Variants in NR3C2 observed in about 807,000 individuals in gnomAD.
The protein encoded by NR3C2 is nuclear receptor subfamily 3 group C member 2, also known as mineralocorticoid receptor.
Under a neutral mutation model 86.4 loss-of-function variants are expected in NR3C2, and 15 were observed. The observed-to-expected ratio is 0.17, with a 90% CI of 0.12 to 0.27. The LOEUF is 0.27. NR3C2 is among the 10% of genes least tolerant of loss of function. The pLI is 1.00. For missense variants in NR3C2, 960 were observed against 1,195.6 expected (o/e 0.80, Z 2.91); for synonymous variants, 458 against 450.5 (o/e 1.02, Z -0.21).
rs186332087 is a variant in NR3C2 at position 148,157,360 on chromosome 4, C to G, written c.2015-2459G>C. ...ATTGAATGCTTACTAATGCCAGGCACTGTTCTAAATGCTCTATATAAATTA... is the reference window on the plus strand; with the variant it reads ...ATTGAATGCTTACTAATGCCAGGCAGTGTTCTAAATGCTCTATATAAATTA... On this transcript the variant is annotated intron_variant, in intron 4 of 8. Transcript: ENST00000358102. 1.1e-4 allele frequency among the ~76,000 whole-genome samples: 17 copies of G among 152,204 alleles called. No individual in the cohort carries two copies. In the East Asian group the frequency reaches 3.3e-3, roughly 29 times the overall value.
chr4:148,323,165 G>C (rs995419150), intron 2 of NR3C2, among the ~76,000 whole-genome samples: 10 of 147,748 alleles, frequency 6.8e-5, no homozygotes, highest in African/African-American at 2.3e-4. Flanking sequence ...GCCTCTGCTG[G>C]GGGGTGCCTC....
intron 2 of NR3C2, among the ~76,000 whole-genome samples, chr4:148,353,379 GA>G (rs1479002470): frequency 6.6e-6 from 1 of 151,900 alleles, no homozygotes; most frequent in Non-Finnish European, 1.5e-5. Flanking sequence ...ACCATCATAA[GA>G]AACCACCTAA....
chr4:148,323,323 T>G lies in NR3C2; in HGVS notation c.1758-63206A>C, dbSNP rs1181708750. 3.4e-5 allele frequency among the ~76,000 whole-genome samples: 5 copies of G among 148,324 alleles called. No individual in the cohort carries two copies. In the East Asian group the frequency reaches 6.0e-4, roughly 18 times the overall value. ...CATTTAAGTCTGCAGAGGTTACTGCTGTCTTTTTGTTTGTCTGTGCCCTGC... is the reference window on the plus strand; with the variant it reads ...CATTTAAGTCTGCAGAGGTTACTGCGGTCTTTTTGTTTGTCTGTGCCCTGC... On this transcript the variant is annotated intron_variant, in intron 2 of 8. Transcript: ENST00000358102.
chr4:148,252,779 G>GT (rs1315815241), intron 3 of NR3C2, among the ~76,000 whole-genome samples: 1 of 152,098 alleles, frequency 6.6e-6, no homozygotes, highest in Non-Finnish European at 1.5e-5. Context: ...TCTTGGCTCA[G>GT]TTTTTCCCTC....
chr4:148,134,885 G>A (rs1352039796), intron 6 of NR3C2, among the ~76,000 whole-genome samples: 1 of 151,228 alleles, frequency 6.6e-6, no homozygotes, highest in African/African-American at 2.4e-5. Flanking sequence ...TCGAACTCCT[G>A]ACCTCAGGTG....
At position 148,322,509 on chromosome 4, in the gene NR3C2, G is replaced by A. The variant is rs983620171; in HGVS notation, c.1758-62392C>T. Among the ~76,000 whole-genome samples, 28 of 93,856 alleles carry A rather than the reference G, an allele frequency of 3.0e-4. 3 individuals are homozygous for A. The highest frequency in any genetic ancestry group is 1.4e-3 in the African/African-American group (26 of 18,074). The allele number at this position is 93,856 out of a possible 152,430, so 61.6% of individuals were successfully genotyped here. On this transcript the variant is annotated intron_variant, in intron 2 of 8. Coordinates refer to ENST00000358102, the MANE Select transcript of NR3C2 (RefSeq NM_000901.5). ...GGTTCCATTCTCCCCATCACTTTCA[G>A]GTACACCAATCAGACGTAGATTTGG...
intron 6 of NR3C2, among the ~76,000 whole-genome samples, chr4:148,136,201 T>C (rs1360345236): frequency 6.6e-6 from 1 of 150,720 alleles, no homozygotes; most frequent in Non-Finnish European, 1.5e-5. Flanking sequence ...GGCAAGACAA[T>C]GGGATGTAGC....
intron 2 of NR3C2, among the ~76,000 whole-genome samples, chr4:148,409,531 TCTG>T (rs1748591271): frequency 1.3e-5 from 2 of 152,196 alleles, no homozygotes; most frequent in Admixed American, 1.3e-4. Flanking sequence ...CTTCACCTTT[TCTG>T]ATGGACCTTT....
At chr4:148,253,118 C>T (rs1440011251) in intron 3 of NR3C2, among the ~76,000 whole-genome samples, 1 of 152,166 alleles carries the variant, frequency 6.6e-6, no homozygotes, top group Non-Finnish European at 1.5e-5. Context: ...TTTGGAGAAA[C>T]AAGTGGCATG....
At chr4:148,285,728 CAAAAA>C (rs1278904928) in intron 2 of NR3C2, among the ~76,000 whole-genome samples, 1 of 151,492 alleles carries the variant, frequency 6.6e-6, no homozygotes, top group Admixed American at 6.6e-5. Context: ...AACAAACAAA[CAAAAA>C]AAACTTCCTC....
At chr4:148,171,744 T>G (rs1735137076) in intron 4 of NR3C2, among the ~76,000 whole-genome samples, 1 of 152,204 alleles carries the variant, frequency 6.6e-6, no homozygotes, top group Non-Finnish European at 1.5e-5. Flanking sequence ...CTCTCTTTTT[T>G]CAGCTGGAAG....
intron 6 of NR3C2, among the ~76,000 whole-genome samples, chr4:148,135,551 C>T (rs565739782): frequency 7.2e-5 from 11 of 152,102 alleles, no homozygotes; most frequent in Non-Finnish European, 1.0e-4. Context: ...CTAAGTCTCA[C>T]GTACTTTGCG....
chr4:148,385,127 T>G (rs1432034504), intron 2 of NR3C2, among the ~76,000 whole-genome samples: 1 of 152,194 alleles, frequency 6.6e-6, no homozygotes, highest in Admixed American at 6.5e-5. Flanking sequence ...CTTCCTGTAG[T>G]ACAGCAACAA....
chr4:148,180,346 T>C (rs1194329015), intron 4 of NR3C2, among the ~76,000 whole-genome samples: 1 of 151,756 alleles, frequency 6.6e-6, no homozygotes, highest in East Asian at 1.9e-4. Flanking sequence ...CACTTCTACA[T>C]TTCAGTTTTT....
intron 8 of NR3C2, among the ~76,000 whole-genome samples, chr4:148,089,710 G>A (rs1463261436): frequency 3.3e-5 from 5 of 152,082 alleles, no homozygotes; most frequent in Non-Finnish European, 7.4e-5. Context: ...TTTCTGTTTT[G>A]TTTTTTCTCA....
Position 148,331,910 on chromosome 4 carries a change from GC to G in NR3C2, c.1758-71794del, listed in dbSNP as rs574068283. Among the ~76,000 whole-genome samples the G allele has an allele frequency of 1.4e-3, 219 of 152,262 alleles. 1 individual carries two copies. The highest frequency in any genetic ancestry group is 7.2e-3 in the Admixed American group (110 of 15,290). ...CTCCATCTCACAAGGTTGAAGAGGT[GC>G]AGTAAGAGTATCTGCTTTATACATT... is the stretch of plus-strand genomic sequence containing the variant. On this transcript the variant is annotated intron_variant, in intron 2 of 8. Coordinates refer to ENST00000358102, the MANE Select transcript of NR3C2 (RefSeq NM_000901.5).
chr4:148,115,638 A>C (rs1250235833), intron 7 of NR3C2, among the ~76,000 whole-genome samples: 1 of 152,154 alleles, frequency 6.6e-6, no homozygotes, highest in East Asian at 1.9e-4. Context: ...TTTCCACATA[A>C]ACCCTGTTAC....
At chr4:148,251,299 C>A (rs1739566334) in intron 3 of NR3C2, among the ~76,000 whole-genome samples, 1 of 152,158 alleles carries the variant, frequency 6.6e-6, no homozygotes, top group Non-Finnish European at 1.5e-5. Context: ...GCCTCCTCTC[C>A]ATGACAACCT....
chr4:148,309,353 T>C (rs1466297559), intron 2 of NR3C2, among the ~76,000 whole-genome samples: 3 of 152,196 alleles, frequency 2.0e-5, no homozygotes, highest in Admixed American at 2.0e-4. Context: ...AAACACAATT[T>C]TGCCCTTAAA....
Sources: gnomAD v4.1 joint callset for allele counts (sites outside exome capture counted in the v4.1 genomes callset) on GRCh38, gnomAD v4.1.1 for gene constraint, MANE v1.5 for transcripts, NCBI Gene and HGNC (gene_info 2026-07-23, HGNC 2026-07-21) for gene names.